CYTH2: variants seen among roughly 807,000 people sequenced by gnomAD.
The protein encoded by CYTH2 is cytohesin 2.
CYTH2 carries 24 observed loss-of-function variants against 55.4 expected under a neutral mutation model. The ratio of observed to expected loss-of-function variants is 0.43; its 90% CI spans 0.31 to 0.61. CYTH2 has a LOEUF of 0.61. CYTH2 is among the 20% of genes least tolerant of loss of function. The pLI is 0.08. For synonymous variants in CYTH2, 221 were observed against 209.6 expected, an observed-to-expected ratio of 1.05 and a Z score of -0.47; for missense variants, 378 against 533.5, an observed-to-expected ratio of 0.71 and a Z score of 2.87.
chr19:48,469,797 C>T (rs1971748204), intron 1 of CYTH2: 4 of 610,272 alleles, frequency 6.6e-6, no homozygotes, highest in Middle Eastern at 4.7e-4. Flanking sequence ...GGAACCATTC[C>T]CGCTGGAGGG....
intron 11 of CYTH2, among the ~76,000 whole-genome samples, chr19:48,478,871 C>T (rs1250758408): frequency 4.2e-4 from 38 of 91,526 alleles, no homozygotes; most frequent in Middle Eastern, 0.012. Context: ...CTGGGTCTGA[C>T]GGAGGAGGGG....
Position 48,469,377 on chromosome 19 carries a change from G to C in CYTH2, c.-131G>C. ...AAGGGAAGAGTCTTTTCAGCGCTGA[G>C]GACTGGCGCTGAGGAGGCGGCGGTG... is the stretch of plus-strand genomic sequence containing the variant. On this transcript the variant is annotated 5_prime_UTR_variant, in exon 1 of 12. Coordinates refer to ENST00000452733, the MANE Select transcript of CYTH2 (RefSeq NM_004228.7). 1.9e-6 allele frequency: 2 copies of C among 1,055,972 alleles called. No individual in the cohort carries two copies. The highest frequency in any genetic ancestry group is 4.2e-5 in the Admixed American group (1 of 23,882). 65.4% of individuals were successfully genotyped at this position (1,055,972 alleles called of 1,614,324 possible). A position where few individuals can be genotyped will look rare whatever the true frequency, so the allele number is the denominator to read the frequency against.
chr19:48,478,586 C>G lies in CYTH2; in HGVS notation c.1106C>G (p.Ser369Cys). Residue 369 changes from serine (S) to cysteine (C), a missense_variant, in exon 11 of 12, where the codon TCC becomes TGC. By Grantham distance (112) the Ser-to-Cys change is moderately radical (BLOSUM62 -1). Transcript: ENST00000452733. The part of the protein sequence containing the change: ...TQEEKDEWIK[S>C]IQAAVSVDPF... ...GAGGAGAAGGACGAGTGGATCAAGT[C>G]CATCCAGTGAGCCTGGACTCCTGGG... is the stretch of plus-strand genomic sequence containing the variant. The G allele has an allele frequency of 6.2e-7, 1 of 1,608,906 alleles. No individual in the cohort carries two copies. Among genetic ancestry groups the G allele is most frequent in the South Asian group, 1.1e-5 (1 of 90,528 alleles).
At chr19:48,470,311 G>A (rs1971764556) in intron 1 of CYTH2, 42 bp from the exon 2 acceptor site, 2 of 1,555,916 alleles carry the variant, frequency 1.3e-6, no homozygotes, top group Non-Finnish European at 1.7e-6. Context: ...TCAGGCTCAC[G>A]GCCCCTAGCA....
intron 8 of CYTH2, chr19:48,476,070 C>T (rs1971907277): frequency 1.9e-6 from 1 of 516,088 alleles, no homozygotes; most frequent in Admixed American, 2.0e-5. Context: ...TGGGGGCCTC[C>T]CCATGTGGAA....
In CYTH2 at chr19:48,470,449, A is replaced by G; in HGVS notation, c.116A>G (p.Glu39Gly). ...LLVEIQRLRE[E>G]LSEAMSEVEG... is the part of the protein sequence containing the mutation. ...GTGGAGATTCAGCGCCTGCGGGAGG[A>G]GCTCAGTGAAGCCATGAGCGAGGTG... The change falls in exon 2 of 12, where the codon GAG becomes GGG. Residue 39 changes from glutamate (E) to glycine (G), a missense_variant. Coordinates refer to ENST00000452733, the MANE Select transcript of CYTH2 (RefSeq NM_004228.7). 1 of 1,614,026 alleles carries G rather than the reference A, an allele frequency of 6.2e-7. No homozygotes were observed. Among genetic ancestry groups the G allele is most frequent in the Non-Finnish European group, 8.5e-7 (1 of 1,179,994 alleles).
intron 3 of CYTH2, 72 bp downstream of exon 3, chr19:48,470,741 C>G: frequency 6.4e-7 from 1 of 1,566,180 alleles, no homozygotes; most frequent in Non-Finnish European, 8.8e-7. Context: ...CTCCGGGTTC[C>G]AGAAGCGTGA....
rs772029523 is a variant in CYTH2, at chr19:48,480,437, T to G, written c.*1227T>G. On this transcript the variant is annotated 3_prime_UTR_variant, in exon 12 of 12. Transcript: ENST00000452733. ...TCGGAATTTCGGGCTTTGATCCCTG[T>G]CCCGCCCTTGGCCACAGGCACCTGC... 6.6e-6 allele frequency: 1 copy of G among 152,178 alleles called. No individual in the cohort carries two copies. The highest frequency in any genetic ancestry group is 6.5e-5 in the Admixed American group (1 of 15,282). The allele number at this position is 152,178 out of a possible 1,614,324, so 9.4% of individuals were successfully genotyped here. A position where few individuals can be genotyped will look rare whatever the true frequency, so the allele number is the denominator to read the frequency against.
At chr19:48,470,181 GC>G (rs982662813) in intron 1 of CYTH2, 171 bp from the exon 2 acceptor site, 2 of 1,044,968 alleles carry the variant, frequency 1.9e-6, no homozygotes, top group African/African-American at 3.2e-5. Context: ...AGAGTTTAGA[GC>G]CCCAGCTCTT....
chr19:48,473,182 C>T (rs1358767895), intron 4 of CYTH2, 116 bp from the exon 5 acceptor site: 13 of 1,124,928 alleles, frequency 1.2e-5, no homozygotes, highest in Admixed American at 1.9e-5. Flanking sequence ...ACTTCACCCT[C>T]GGCAGTGGGC....
At chr19:48,472,094 G>A (rs1601021014) in intron 3 of CYTH2, among the ~76,000 whole-genome samples, 1 of 152,196 alleles carries the variant, frequency 6.6e-6, no homozygotes, top group Non-Finnish European at 1.5e-5. Flanking sequence ...TGCCTTGCCA[G>A]ACCCTGTTGT....
At position 48,480,373 on chromosome 19, in the gene CYTH2, C is replaced by G. The variant is rs1972025445; in HGVS notation, c.*1163C>G. 1 of 152,238 alleles carries G rather than the reference C, an allele frequency of 6.6e-6. No homozygotes were observed. The highest frequency in any genetic ancestry group is 2.4e-5 in the African/African-American group (1 of 41,472). 9.4% of individuals were successfully genotyped at this position (152,238 alleles called of 1,614,324 possible). A position where few individuals can be genotyped will look rare whatever the true frequency, so the allele number is the denominator to read the frequency against. On this transcript the variant is annotated 3_prime_UTR_variant, in exon 12 of 12. Transcript: ENST00000452733. ...CGCGAGTTGTAGTCCCTCCTGCCCG[C>G]TGTGTTCGCTTTTGAGCTCTCCGAT... is the stretch of plus-strand genomic sequence containing the variant.
intron 9 of CYTH2, 52 bp from the exon 10 acceptor site, chr19:48,478,223 G>C: frequency 6.2e-7 from 1 of 1,612,484 alleles, no homozygotes; most frequent in Non-Finnish European, 8.5e-7. Context: ...TGAGGGAGGT[G>C]GGGTGGGGTG....
In CYTH2 at chr19:48,474,090, G is replaced by A; in HGVS notation, c.547+73G>A. On this transcript the variant is annotated intron_variant, in intron 6 of 11. Coordinates refer to ENST00000452733, the MANE Select transcript of CYTH2 (RefSeq NM_004228.7). This position sits in a 1 kb window ranked among gnomAD's most constrained non-coding sequence, Gnocchi z 4.9. ...AGACTCCTAGGTCTGAGGGAGGGAG[G>A]GGGCTGGGAGCTGGGAATCCTGGGT... The A allele has an allele frequency of 6.5e-7, 1 of 1,545,230 alleles. No individual in the cohort carries two copies. The highest frequency in any genetic ancestry group is 8.7e-7 in the Non-Finnish European group (1 of 1,146,036).
intron 8 of CYTH2, chr19:48,475,722 C>T (rs1407805889): frequency 1.1e-5 from 2 of 186,006 alleles, no homozygotes; most frequent in Non-Finnish European, 2.3e-5. Context: ...GTGGCTGGGC[C>T]ATAGACTCCT....
intron 5 of CYTH2, 70 bp downstream of exon 5, chr19:48,473,448 A>G (rs550732402): frequency 1.3e-6 from 2 of 1,498,034 alleles, no homozygotes; most frequent in Non-Finnish European, 1.9e-6. Context: ...ACAAGTGACA[A>G]ACCTTACTCA....
At chr19:48,476,356 G>C in intron 8 of CYTH2, 2 of 195,266 alleles carry the variant, frequency 1.0e-5, no homozygotes, top group Non-Finnish European at 2.2e-5. Flanking sequence ...AGTGAGTCAT[G>C]GTTGCGCCAC....
chr19:48,481,547 T>C lies in CYTH2; in HGVS notation c.*2337T>C. On this transcript the variant is annotated 3_prime_UTR_variant, in exon 12 of 12. Coordinates refer to ENST00000452733, the MANE Select transcript of CYTH2 (RefSeq NM_004228.7). ...TTTGTTTTTGAGAGGGAGTCTCACTTTGTGCCCTAGACTGGAGTGCAATGG... is the reference window on the plus strand; with the variant it reads ...TTTGTTTTTGAGAGGGAGTCTCACTCTGTGCCCTAGACTGGAGTGCAATGG... 5.5e-6 allele frequency: 1 copy of C among 180,726 alleles called. No homozygotes were observed. Among genetic ancestry groups the C allele is most frequent in the Non-Finnish European group, 1.2e-5 (1 of 86,552 alleles). 11.2% of individuals were successfully genotyped at this position (180,726 alleles called of 1,614,324 possible). A position where few individuals can be genotyped will look rare whatever the true frequency, so the allele number is the denominator to read the frequency against.
intron 5 of CYTH2, 29 bp downstream of exon 5, chr19:48,473,407 C>T (rs577732802): frequency 1.9e-6 from 3 of 1,607,544 alleles, no homozygotes; most frequent in South Asian, 2.2e-5. Flanking sequence ...TTTGGAACGC[C>T]AGGAATGTAC....
Sources: allele counts gnomAD v4.1 joint callset (sites outside exome capture counted in the v4.1 genomes callset), GRCh38; gene constraint gnomAD v4.1.1; non-coding constraint Gnocchi (gnomAD v3.1); transcripts MANE v1.5; gene names NCBI Gene and HGNC (gene_info 2026-07-23, HGNC 2026-07-21).